Variants in KCND2 observed in about 807,000 individuals in gnomAD.
KCND2 encodes the protein A-type voltage-gated potassium channel KCND2.
KCND2 carries 16 observed loss-of-function variants against 54.4 expected under a neutral mutation model. The observed-to-expected ratio is 0.29, with a 90% CI of 0.20 to 0.45. KCND2 has a LOEUF of 0.45. Ranked by LOEUF, KCND2 falls within the 20% of genes least tolerant of loss-of-function variation. The pLI, the probability that KCND2 is intolerant of heterozygous loss-of-function variation, is 1.00. For missense variants in KCND2, 486 were observed against 824.2 expected (o/e 0.59, Z 5.02); for synonymous variants, 317 against 310.7 (o/e 1.02, Z -0.21).
intron 1 of KCND2, among the ~76,000 whole-genome samples, chr7:120,730,932 C>A (rs866093256): frequency 3.9e-5 from 6 of 152,198 alleles, no homozygotes; most frequent in Non-Finnish European, 7.3e-5. Flanking sequence ...AGCATGGATT[C>A]TAGTATGTGA....
At chr7:120,687,054 C>T (rs143790351) in intron 1 of KCND2, among the ~76,000 whole-genome samples, 1 of 152,014 alleles carries the variant, frequency 6.6e-6, no homozygotes, top group Non-Finnish European at 1.5e-5. Context: ...CCTCTCCTAC[C>T]CTGCTCATGT....
intron 1 of KCND2, among the ~76,000 whole-genome samples, chr7:120,294,978 G>T (rs919622471): frequency 3.3e-5 from 5 of 151,594 alleles, no homozygotes; most frequent in Non-Finnish European, 5.9e-5. Flanking sequence ...AACTTCATTT[G>T]TTCTGATACT....
intron 1 of KCND2, among the ~76,000 whole-genome samples, chr7:120,674,841 G>C (rs1792038649): frequency 6.6e-6 from 1 of 152,114 alleles, no homozygotes; most frequent in Admixed American, 6.5e-5. Context: ...TGGAGGGGAA[G>C]AGTTCTTCTT....
chr7:120,504,486 G>T (rs899509014), intron 1 of KCND2, among the ~76,000 whole-genome samples: 5 of 151,654 alleles, frequency 3.3e-5, no homozygotes, highest in Non-Finnish European at 7.4e-5. Context: ...AATTTACAAT[G>T]CTTGTCCTTC....
chr7:120,591,043 G>A (rs567135083), intron 1 of KCND2, among the ~76,000 whole-genome samples: 1 of 152,114 alleles, frequency 6.6e-6, no homozygotes, highest in East Asian at 1.9e-4. Context: ...TTCCTACTAT[G>A]ATAATGCTTC....
At chr7:120,678,777 T>TATATACAC (rs1335291654) in intron 1 of KCND2, among the ~76,000 whole-genome samples, 10 of 122,520 alleles carry the variant, frequency 8.2e-5, no homozygotes, top group African/African-American at 2.6e-4. Context: ...TATATATATA[T>TATATACAC]ACACATAAAC....
intron 1 of KCND2, among the ~76,000 whole-genome samples, chr7:120,563,871 G>A (rs1584829883): frequency 6.6e-6 from 1 of 152,166 alleles, no homozygotes; most frequent in Middle Eastern, 3.4e-3. Context: ...GATTGAATTA[G>A]GCATTTCTCC....
At chr7:120,370,021 G>A (rs532562840) in intron 1 of KCND2, among the ~76,000 whole-genome samples, 3 of 152,092 alleles carry the variant, frequency 2.0e-5, no homozygotes, top group African/African-American at 4.8e-5. Context: ...GAAGAGACTT[G>A]CAATGAAAAC....
At chr7:120,486,428 T>A (rs1233882676) in intron 1 of KCND2, among the ~76,000 whole-genome samples, 1 of 152,056 alleles carries the variant, frequency 6.6e-6, no homozygotes, top group African/African-American at 2.4e-5. Flanking sequence ...ACCAAATTCC[T>A]GTGAGGGTGA....
At chr7:120,480,797 C>G (rs1802596437) in intron 1 of KCND2, among the ~76,000 whole-genome samples, 1 of 152,304 alleles carries the variant, frequency 6.6e-6, no homozygotes, top group East Asian at 1.9e-4. Flanking sequence ...GTCTGTGATA[C>G]TCTGTTATAG....
At chr7:120,616,637 C>T (rs958097757) in intron 1 of KCND2, among the ~76,000 whole-genome samples, 5 of 151,938 alleles carry the variant, frequency 3.3e-5, no homozygotes, top group African/African-American at 9.7e-5. Flanking sequence ...ATAATATTTT[C>T]AATAAAAGAG....
intron 1 of KCND2, among the ~76,000 whole-genome samples, chr7:120,704,931 G>T (rs1054569964): frequency 2.6e-5 from 4 of 152,080 alleles, no homozygotes; most frequent in Admixed American, 2.6e-4. Context: ...TGAATTAAAT[G>T]ATATAAAGAG....
chr7:120,377,097 T>A (rs565483345), intron 1 of KCND2, among the ~76,000 whole-genome samples: 14 of 151,978 alleles, frequency 9.2e-5, no homozygotes, highest in Non-Finnish European at 1.9e-4. Flanking sequence ...AAATTCTGAC[T>A]CAGCTATGTA....
intron 1 of KCND2, among the ~76,000 whole-genome samples, chr7:120,290,410 C>A: frequency 6.6e-6 from 1 of 151,970 alleles, no homozygotes; most frequent in Non-Finnish European, 1.5e-5. Context: ...CTCTGCAAAA[C>A]TCTTTTCCAA....
chr7:120,376,410 T>A (rs564856564), intron 1 of KCND2, among the ~76,000 whole-genome samples: 1 of 151,566 alleles, frequency 6.6e-6, no homozygotes, highest in East Asian at 1.9e-4. Context: ...ACCTCAAATA[T>A]GTTCACTTAC....
chr7:120,321,238 A>C (rs1273122936), intron 1 of KCND2, among the ~76,000 whole-genome samples: 4 of 152,186 alleles, frequency 2.6e-5, no homozygotes, highest in Non-Finnish European at 5.9e-5. Flanking sequence ...TGACAAGTGC[A>C]GATTTACTAC....
At chr7:120,297,948 A>C (rs535654573) in intron 1 of KCND2, among the ~76,000 whole-genome samples, 1 of 152,184 alleles carries the variant, frequency 6.6e-6, no homozygotes, top group South Asian at 2.1e-4. Flanking sequence ...GAAATGGTCT[A>C]CATTTGTTCA....
intron 1 of KCND2, among the ~76,000 whole-genome samples, chr7:120,428,332 A>G (rs568804638): frequency 3.9e-5 from 6 of 152,326 alleles, no homozygotes; most frequent in African/African-American, 1.4e-4. Flanking sequence ...AATAAATGCT[A>G]TAATGAAACA....
intron 1 of KCND2, among the ~76,000 whole-genome samples, chr7:120,280,824 G>T (rs768174865): frequency 6.6e-6 from 1 of 151,872 alleles, no homozygotes; most frequent in African/African-American, 2.4e-5. Context: ...AATAATTATC[G>T]GGACTGCTGC....
Sources: gnomAD v4.1 joint callset for allele counts (sites outside exome capture counted in the v4.1 genomes callset) on GRCh38, gnomAD v4.1.1 for gene constraint, MANE v1.5 for transcripts, NCBI Gene and HGNC (gene_info 2026-07-23, HGNC 2026-07-21) for gene names.